Variants in TOP2B observed in about 807,000 individuals in gnomAD.
TOP2B encodes DNA topoisomerase II beta.
TOP2B carries 51 observed loss-of-function variants against 193.5 expected under a neutral mutation model. The ratio of observed to expected loss-of-function variants is 0.26; its 90% CI spans 0.21 to 0.33. The LOEUF (loss-of-function observed/expected upper bound fraction) is 0.33. TOP2B is among the 10% of genes least tolerant of loss of function. The pLI is 1.00. For synonymous variants in TOP2B, 634 were observed against 635.7 expected (o/e 1.00, Z 0.04); for missense variants, 1,378 against 1,909.3 (o/e 0.72, Z 5.19).
intron 35 of TOP2B, 117 bp downstream of exon 35, chr3:25,599,318 T>C (rs766322898): frequency 1.5e-5 from 12 of 799,962 alleles, no homozygotes; most frequent in Non-Finnish European, 2.2e-5. Context: ...AGCCCCATAT[T>C]GATACGAGAT....
chr3:25,634,091 T>C, intron 7 of TOP2B, 77 bp from the exon 8 acceptor site: 5 of 1,072,832 alleles, frequency 4.7e-6, no homozygotes, highest in East Asian at 2.6e-5. Context: ...TCAGTACGTA[T>C]ACTTTCATTT....
At chr3:25,602,574 C>G (rs1702134159) in intron 33 of TOP2B, among the ~76,000 whole-genome samples, 1 of 151,638 alleles carries the variant, frequency 6.6e-6, no homozygotes, top group South Asian at 2.1e-4. Context: ...CAAATAAGGC[C>G]CCTCGTTAGC....
At chr3:25,616,356 C>CT (rs1559495640) in intron 25 of TOP2B, among the ~76,000 whole-genome samples, 1 of 148,348 alleles carries the variant, frequency 6.7e-6, no homozygotes, top group Non-Finnish European at 1.5e-5. Flanking sequence ...TTTAAAATGA[C>CT]TGAGTTAACC....
At chr3:25,660,943 G>C (rs2125413039) in intron 1 of TOP2B, among the ~76,000 whole-genome samples, 1 of 151,752 alleles carries the variant, frequency 6.6e-6, no homozygotes, top group Middle Eastern at 3.5e-3. Context: ...TAAAATTCTA[G>C]GATTTGCTCT....
At chr3:25,659,105 G>A (rs938700628) in intron 1 of TOP2B, among the ~76,000 whole-genome samples, 4 of 152,082 alleles carry the variant, frequency 2.6e-5, no homozygotes, top group Admixed American at 1.3e-4. Flanking sequence ...ACCTTCTTCT[G>A]TACAATCCCC....
chr3:25,607,506 A>T (rs1349444466), intron 30 of TOP2B, 131 bp from the exon 31 acceptor site: 1 of 1,237,776 alleles, frequency 8.1e-7, no homozygotes, highest in Non-Finnish European at 1.1e-6. Context: ...AAAAGCAAGC[A>T]TTTACAGAAT....
At chr3:25,643,807 A>C (rs1002308507) in intron 2 of TOP2B, 23 bp from the exon 3 acceptor site, 2 of 1,563,580 alleles carry the variant, frequency 1.3e-6, no homozygotes, top group Admixed American at 1.7e-5. Flanking sequence ...ATTCAAAAAA[A>C]ATTTTACTCA....
chr3:25,638,374 A>AGTAAAGAT, intron 4 of TOP2B, 64 bp from the exon 5 acceptor site: 1 of 1,381,818 alleles, frequency 7.2e-7, no homozygotes, highest in Non-Finnish European at 9.4e-7. Flanking sequence ...AGCTTAAAAT[A>AGTAAAGAT]GTAAAGATAA....
chr3:25,621,215 T>G (rs979714369), intron 21 of TOP2B, among the ~76,000 whole-genome samples: 5 of 152,322 alleles, frequency 3.3e-5, no homozygotes, highest in Non-Finnish European at 7.4e-5. Context: ...CTCCCATATT[T>G]TGTTTGACTA....
rs780365697 is a variant in TOP2B at position 25,619,985 on chromosome 3, T to C, written c.2940A>G (p.Glu980=). 6.2e-7 allele frequency: 1 copy of C among 1,607,454 alleles called. No individual in the cohort carries two copies. Among genetic ancestry groups the C allele is most frequent in the Non-Finnish European group, 8.5e-7 (1 of 1,175,476 alleles). ...ATTTCACAGTTGTGTCAGTATGATA[T>C]TCTTTATAATCAGAAATTAATGCTG... is the stretch of plus-strand genomic sequence containing the variant. ...KTPALISDYK[E]YHTDTTVKFV... The change falls in exon 23 of 36, where the codon GAA becomes GAG. Residue 980 remains glutamate (E), a synonymous_variant. Transcript: ENST00000264331.
intron 1 of TOP2B, among the ~76,000 whole-genome samples, chr3:25,660,258 T>G (rs2125412408): frequency 6.6e-6 from 1 of 152,332 alleles, no homozygotes; most frequent in East Asian, 1.9e-4. Context: ...ATCCAATTTT[T>G]AAATAACTGA....
intron 4 of TOP2B, among the ~76,000 whole-genome samples, chr3:25,639,480 G>C (rs886815315): frequency 1.3e-5 from 2 of 152,090 alleles, no homozygotes; most frequent in Non-Finnish European, 2.9e-5. Flanking sequence ...GCTAATTTTT[G>C]TATTTTTAGG....
chr3:25,638,990 C>T (rs1030857425), intron 4 of TOP2B, among the ~76,000 whole-genome samples: 4 of 151,916 alleles, frequency 2.6e-5, no homozygotes, highest in African/African-American at 9.7e-5. Flanking sequence ...TCTAAATATC[C>T]AATGCTTATC....
rs1419588184 is a variant in TOP2B, at chr3:25,664,824, A to C, written c.-527T>G. The C allele has an allele frequency of 2.0e-6, 2 of 988,608 alleles. No individual in the cohort carries two copies. The highest frequency in any genetic ancestry group is 3.5e-5 in the African/African-American group (2 of 56,712). 61.2% of individuals were successfully genotyped at this position (988,608 alleles called of 1,614,324 possible). ...CTGCAGCCCCGATTTCCTCACACACACACACCGAGAGGGACAATAAACAGA... is the reference window on the plus strand; with the variant it reads ...CTGCAGCCCCGATTTCCTCACACACCCACACCGAGAGGGACAATAAACAGA... On this transcript the variant is annotated 5_prime_UTR_variant, in exon 1 of 36. Coordinates refer to ENST00000264331, the MANE Select transcript of TOP2B (RefSeq NM_001330700.2).
intron 18 of TOP2B, among the ~76,000 whole-genome samples, chr3:25,625,405 A>G (rs1023358169): frequency 2.0e-5 from 3 of 152,210 alleles, no homozygotes; most frequent in African/African-American, 7.2e-5. Flanking sequence ...GCATGAAACA[A>G]TGTGAGCAAA....
At chr3:25,632,421 T>TA (rs767007654) in intron 10 of TOP2B, 25 bp downstream of exon 10, 45 of 1,513,034 alleles carry the variant, frequency 3.0e-5, no homozygotes, top group Admixed American at 1.9e-4. Flanking sequence ...ATAACAACAA[T>TA]AAAAAAAATA....
At chr3:25,645,622 G>A (rs188537344) in intron 1 of TOP2B, among the ~76,000 whole-genome samples, 152 bp from the exon 2 acceptor site, 109 of 152,266 alleles carry the variant, frequency 7.2e-4, no homozygotes, top group South Asian at 4.1e-4. Flanking sequence ...TTTACTGACC[G>A]TCTGGCTCTT....
intron 33 of TOP2B, 48 bp downstream of exon 33, chr3:25,604,712 T>C (rs1702192197): frequency 4.4e-6 from 6 of 1,372,724 alleles, no homozygotes; most frequent in Non-Finnish European, 6.1e-6. Context: ...TCCTTTTACA[T>C]TAACTATCTC....
chr3:25,651,781 C>A (rs970536197), intron 1 of TOP2B, among the ~76,000 whole-genome samples: 2 of 151,590 alleles, frequency 1.3e-5, no homozygotes, highest in Admixed American at 1.3e-4. Flanking sequence ...GCAGAAGAAT[C>A]ACTTGAACCT....
Sources: gnomAD v4.1 joint callset for allele counts (sites outside exome capture counted in the v4.1 genomes callset) on GRCh38, gnomAD v4.1.1 for gene constraint, MANE v1.5 for transcripts, NCBI Gene and HGNC (gene_info 2026-07-23, HGNC 2026-07-21) for gene names.